The following C9orf78 variants were observed in gnomAD, a reference collection of about 807,000 sequenced individuals.
The protein encoded by C9orf78 is splicing factor C9orf78.
A neutral mutation model predicts 37.4 loss-of-function variants in C9orf78; 19 were observed. That is an observed-to-expected ratio of 0.51 (90% CI 0.35 to 0.74). The LOEUF is 0.74. Among genes scored for constraint, C9orf78 ranks in the 30% least tolerant of loss-of-function variants. C9orf78 has a pLI of 0.01. For missense variants in C9orf78, 291 were observed against 370.8 expected, an observed-to-expected ratio of 0.78 and a Z score of 1.77; for synonymous variants, 130 against 128.0, an observed-to-expected ratio of 1.02 and a Z score of -0.10.
At chr9:129,832,919 A>G (rs1443738404) in intron 4 of C9orf78, among the ~76,000 whole-genome samples, 1 of 152,004 alleles carries the variant, frequency 6.6e-6, no homozygotes, top group East Asian at 1.9e-4. Context: ...TTTCCTGAAT[A>G]GCTGGGACTA....
intron 2 of C9orf78, 25 bp from the exon 3 acceptor site, chr9:129,833,734 GA>G (rs775224447): frequency 1.3e-6 from 2 of 1,569,376 alleles, no homozygotes; most frequent in Admixed American, 3.4e-5. Context: ...AAAAAAAAGA[GA>G]GGGGGAGAGA....
intron 8 of C9orf78, chr9:129,828,644 A>C: frequency 4.5e-6 from 1 of 222,072 alleles, no homozygotes; most frequent in South Asian, 5.7e-5. Context: ...GCTCGTCTTG[A>C]ACTCCTGACC....
intron 4 of C9orf78, 118 bp downstream of exon 4, chr9:129,833,329 A>G (rs1468253546): frequency 5.8e-5 from 40 of 689,780 alleles, no homozygotes; most frequent in Non-Finnish European, 1.1e-4. Context: ...TGCAAAGCAC[A>G]AAACCTGCTT....
At chr9:129,828,323 G>T in intron 8 of C9orf78, 71 bp from the exon 9 acceptor site, 2 of 915,362 alleles carry the variant, frequency 2.2e-6, no homozygotes, top group Non-Finnish European at 3.6e-6. Context: ...CTCCATGCAG[G>T]CAAAGACAAC....
At chr9:129,832,063 C>G in intron 4 of C9orf78, 90 bp from the exon 5 acceptor site, 2 of 705,128 alleles carry the variant, frequency 2.8e-6, no homozygotes, top group South Asian at 3.1e-5. Context: ...AAGACATAAG[C>G]ATTTATAATA....
intron 5 of C9orf78, chr9:129,831,447 G>A (rs554105065): frequency 3.9e-5 from 10 of 254,196 alleles, no homozygotes; most frequent in East Asian, 1.0e-4. Flanking sequence ...TTTTGGAGAC[G>A]GAGTTTCACT....
chr9:129,832,241 G>A (rs2031518910), intron 4 of C9orf78, among the ~76,000 whole-genome samples: 1 of 152,072 alleles, frequency 6.6e-6, no homozygotes, highest in African/African-American at 2.4e-5. Context: ...TGTCCCTCAA[G>A]GATACCAAAA....
chr9:129,832,985 G>GTATA (rs145727751), intron 4 of C9orf78, among the ~76,000 whole-genome samples: 16 of 148,986 alleles, frequency 1.1e-4, no homozygotes, highest in African/African-American at 4.0e-4. Context: ...ATGCGTGTGT[G>GTATA]TATATATATA....
At chr9:129,829,792 A>AGTTT (rs2031443923) in intron 6 of C9orf78, 2 of 401,476 alleles carry the variant, frequency 5.0e-6, no homozygotes, top group Admixed American at 4.0e-5. Context: ...TAAGGCTCAA[A>AGTTT]GTTTGTAAAG....
At chr9:129,828,956 T>C in intron 8 of C9orf78, 1 of 583,484 alleles carries the variant, frequency 1.7e-6, no homozygotes, top group Non-Finnish European at 3.1e-6. Flanking sequence ...GAGTCTCTAC[T>C]GTGCGTGAGA....
chr9:129,833,321 C>A, intron 4 of C9orf78, 126 bp downstream of exon 4: 1 of 669,026 alleles, frequency 1.5e-6, no homozygotes. Context: ...ACACCCTTTG[C>A]AAAGCACAAA....
chr9:129,833,570 A>AT (rs147726772), intron 3 of C9orf78, 53 bp from the exon 4 acceptor site: 53,973 of 1,021,250 alleles, frequency 0.053, no homozygotes, highest in Non-Finnish European at 0.057. Context: ...TGGTAGTGGA[A>AT]TTTTTTTTTT....
Position 129,833,651 on chromosome 9 carries a change from A to C in C9orf78, c.195+7T>G. The stretch of plus-strand genomic sequence containing the variant: ...CATAACTACTCAGGGAAGACCCCAT[A>C]ACTTACCACTAGAGTGGTCTCCTCT... On this transcript the variant is annotated splice_region_variant and intron_variant, in intron 3 of 8. Coordinates refer to ENST00000372447, the MANE Select transcript of C9orf78 (RefSeq NM_016520.3). 1.9e-6 allele frequency: 3 copies of C among 1,604,430 alleles called. No individual in the cohort carries two copies. The highest frequency in any genetic ancestry group is 2.6e-6 in the Non-Finnish European group (3 of 1,171,420).
chr9:129,834,698 G>A lies in C9orf78; in HGVS notation c.143+9C>T, dbSNP rs762351981. 6.2e-7 allele frequency: 1 copy of A among 1,603,958 alleles called. No homozygotes were observed. The highest frequency in any genetic ancestry group is 2.2e-5 in the East Asian group (1 of 44,724). On this transcript the variant is annotated intron_variant, in intron 2 of 8. Transcript: ENST00000372447. Reference sequence around the variant, plus strand: ...CGCCGCCTCCTCCTCCTCCCCGCGTGGTACCCACCTCACCCCGTTGGGCCT... The same window carrying A: ...CGCCGCCTCCTCCTCCTCCCCGCGTAGTACCCACCTCACCCCGTTGGGCCT...
chr9:129,831,793 C>T, intron 5 of C9orf78, 103 bp downstream of exon 5: 1 of 753,866 alleles, frequency 1.3e-6, no homozygotes, highest in South Asian at 1.4e-5. Flanking sequence ...CCAACTTTGA[C>T]ATCTTCTAGA....
rs1332930406 is a variant in C9orf78 at position 129,827,381 on chromosome 9, A to G, written c.*780T>C. The G allele has an allele frequency of 6.6e-6, 1 of 152,176 alleles. No homozygotes were observed. Among genetic ancestry groups the G allele is most frequent in the Non-Finnish European group, 1.5e-5 (1 of 68,038 alleles). The allele number at this position is 152,176 out of a possible 1,614,324, so 9.4% of individuals were successfully genotyped here. On this transcript the variant is annotated 3_prime_UTR_variant, in exon 9 of 9. Coordinates refer to ENST00000372447, the MANE Select transcript of C9orf78 (RefSeq NM_016520.3). ...ATGAAAACAAACAAGTAATTTTGTA[A>G]AAGTCAGAAAACACCAGTATCCTTC...
rs781471026 is a variant in C9orf78 at position 129,833,102 on chromosome 9, C to CTTTT, written c.266+341_266+344dup. ...GTGTGTGTGTGTGTATACATACACACTTTTTTTTTTTTTTGTAGAGACAGG... is the reference window on the plus strand; with the variant it reads ...GTGTGTGTGTGTGTATACATACACACTTTTTTTTTTTTTTTTTTGTAGAGACAGG... On this transcript the variant is annotated intron_variant, in intron 4 of 8. Coordinates refer to ENST00000372447, the MANE Select transcript of C9orf78 (RefSeq NM_016520.3). Among the ~76,000 whole-genome samples the CTTTT allele has an allele frequency of 2.9e-4, 38 of 130,606 alleles. 2 individuals carry two copies. Among genetic ancestry groups the CTTTT allele is most frequent in the East Asian group, 6.7e-4 (3 of 4,470 alleles). 85.7% of individuals were successfully genotyped at this position (130,606 alleles called of 152,430 possible). A position where few individuals can be genotyped will look rare whatever the true frequency, so the allele number is the denominator to read the frequency against.
rs911561381 is a variant in C9orf78, at chr9:129,830,523, CTTTTT to C, written c.542+343_542+347del. The C allele has an allele frequency of 5.6e-4, 146 of 260,060 alleles. 1 individual carries two copies. In the East Asian group the frequency reaches 0.011, roughly 20 times the overall value. The allele number at this position is 260,060 out of a possible 1,614,324, so 16.1% of individuals were successfully genotyped here. On this transcript the variant is annotated intron_variant, in intron 6 of 8. Transcript: ENST00000372447. ...CCTGTCCCCCATAAATTTTTTTTTC[CTTTTT>C]TTTTGAGATGGAGTCTTGCTCTGTC... is the stretch of plus-strand genomic sequence containing the variant.
At chr9:129,830,501 G>A (rs1564187809) in intron 6 of C9orf78, 7 of 277,524 alleles carry the variant, frequency 2.5e-5, no homozygotes, top group Non-Finnish European at 4.9e-5. Context: ...CACCATACCT[G>A]TCCCCCATAA....
Sources: allele counts gnomAD v4.1 joint callset (sites outside exome capture counted in the v4.1 genomes callset), GRCh38; gene constraint gnomAD v4.1.1; transcripts MANE v1.5; gene names NCBI Gene and HGNC (gene_info 2026-07-23, HGNC 2026-07-21).